The following LIN54 variants were observed in gnomAD, a reference collection of about 807,000 sequenced individuals.
LIN54 encodes lin-54 DREAM MuvB core complex component.
LIN54 carries 9 observed loss-of-function variants against 78.7 expected under a neutral mutation model. The ratio of observed to expected loss-of-function variants is 0.11; its 90% CI spans 0.07 to 0.20. The LOEUF (loss-of-function observed/expected upper bound fraction) is 0.20, where lower values mean the gene tolerates loss of function less well. Ranked by LOEUF, LIN54 falls within the 10% of genes least tolerant of loss-of-function variation. LIN54 has a pLI of 1.00. For synonymous variants in LIN54, 269 were observed against 318.4 expected, an observed-to-expected ratio of 0.84 and a Z score of 1.65; for missense variants, 573 against 889.9, an observed-to-expected ratio of 0.64 and a Z score of 4.53.
chr4:83,005,585 A>C (rs1257995142), intron 1 of LIN54, among the ~76,000 whole-genome samples: 1 of 151,058 alleles, frequency 6.6e-6, no homozygotes, highest in African/African-American at 2.4e-5. Context: ...AGATCATGCC[A>C]CTGCACTCCA....
At chr4:82,953,925 G>A (rs1302971449) in intron 4 of LIN54, among the ~76,000 whole-genome samples, 2 of 151,996 alleles carry the variant, frequency 1.3e-5, no homozygotes, top group African/African-American at 4.8e-5. Context: ...GGGTGACAGA[G>A]CAAGACCCCG....
At chr4:82,950,271 T>C (rs1035327835) in intron 4 of LIN54, among the ~76,000 whole-genome samples, 1 of 152,174 alleles carries the variant, frequency 6.6e-6, no homozygotes, top group African/African-American at 2.4e-5. Flanking sequence ...CATGAAGATA[T>C]ATAAAATTCT....
upstream of LIN54, among the ~76,000 whole-genome samples, chr4:83,012,576 A>G (rs111705275): frequency 0.018 from 2,719 of 151,950 alleles, 83 homozygotes; most frequent in African/African-American, 0.062. Context: ...GAAGAGACCG[A>G]GCCCCAAGGA....
chr4:83,001,270 G>GT, intron 1 of LIN54, among the ~76,000 whole-genome samples: 1 of 152,344 alleles, frequency 6.6e-6, no homozygotes, highest in South Asian at 2.1e-4. Context: ...ATGCATCTTG[G>GT]GTAAGGCACA....
intron 5 of LIN54, among the ~76,000 whole-genome samples, chr4:82,944,363 G>T (rs1387320761): frequency 6.6e-6 from 1 of 152,074 alleles, no homozygotes; most frequent in Non-Finnish European, 1.5e-5. Context: ...TATAATGACT[G>T]CTTTCTATCA....
intron 10 of LIN54, 59 bp from the exon 11 acceptor site, chr4:82,936,177 C>T: frequency 6.3e-7 from 1 of 1,590,166 alleles, no homozygotes; most frequent in Admixed American, 1.7e-5. Flanking sequence ...AATTTAAACA[C>T]TGCAAAAGGA....
chr4:82,962,239 T>G (rs1313803870), intron 4 of LIN54, among the ~76,000 whole-genome samples: 1 of 152,154 alleles, frequency 6.6e-6, no homozygotes, highest in Non-Finnish European at 1.5e-5. Context: ...CCTCATTTAT[T>G]TGACCCAATC....
At chr4:82,991,898 TG>T (rs1291079327) in intron 1 of LIN54, among the ~76,000 whole-genome samples, 1 of 152,242 alleles carries the variant, frequency 6.6e-6, no homozygotes, top group Non-Finnish European at 1.5e-5. Context: ...TAAACATTTT[TG>T]TTATGTTAAT....
At chr4:82,989,087 C>A (rs768575912) in intron 1 of LIN54, among the ~76,000 whole-genome samples, 59 of 151,950 alleles carry the variant, frequency 3.9e-4, no homozygotes, top group Middle Eastern at 6.8e-3. Flanking sequence ...ACTCAGGAGG[C>A]TGAGGCAGGA....
intron 1 of LIN54, among the ~76,000 whole-genome samples, chr4:82,993,101 G>C (rs1052390895): frequency 2.1e-4 from 32 of 150,814 alleles, no homozygotes; most frequent in African/African-American, 7.5e-4. Flanking sequence ...GAGCTCAAGT[G>C]ATCTGCCCAG....
At chr4:82,982,219 TTTCC>T (rs1205940516) in intron 2 of LIN54, among the ~76,000 whole-genome samples, 1 of 152,098 alleles carries the variant, frequency 6.6e-6, no homozygotes, top group African/African-American at 2.4e-5. Flanking sequence ...TATGATATCT[TTTCC>T]TTTTTTAGTT....
At chr4:82,934,031 G>C (rs1020192104) in intron 11 of LIN54, among the ~76,000 whole-genome samples, 12 of 152,204 alleles carry the variant, frequency 7.9e-5, no homozygotes, top group African/African-American at 2.9e-4. Context: ...TATTTCATCA[G>C]GTATTCAAAA....
At chr4:83,001,971 G>GGA (rs1728875186) in intron 1 of LIN54, among the ~76,000 whole-genome samples, 1 of 5,898 alleles carries the variant, frequency 1.7e-4, no homozygotes, top group Non-Finnish European at 5.0e-4. Context: ...AGGAAGGAAG[G>GGA]AAGGAAGGGA....
intron 1 of LIN54, among the ~76,000 whole-genome samples, chr4:83,004,398 CAAAAAAAAA>C (rs34722830): frequency 4.0e-5 from 4 of 100,946 alleles, no homozygotes; most frequent in Non-Finnish European, 5.8e-5. Flanking sequence ...GACTCCGTTG[CAAAAAAAAA>C]AAAAAAAAAG....
chr4:82,977,006 C>T (rs1726215901), intron 3 of LIN54, among the ~76,000 whole-genome samples: 1 of 152,192 alleles, frequency 6.6e-6, no homozygotes, highest in South Asian at 2.1e-4. Context: ...GTCTGCAACA[C>T]ATAAACAACC....
At chr4:82,981,631 G>A (rs780476828) in intron 2 of LIN54, among the ~76,000 whole-genome samples, 9 of 152,054 alleles carry the variant, frequency 5.9e-5, no homozygotes, top group African/African-American at 1.9e-4. Context: ...GACTTAAGTC[G>A]CCTAAAAATA....
rs561685185 is a variant in LIN54, at chr4:82,970,335, G to C, written c.943C>G (p.Pro315Ala). The change falls in exon 4 of 13, where the codon CCA becomes GCA. Residue 315 changes from proline to alanine, a missense_variant. By Grantham distance (27) the Pro-to-Ala change is conservative. Coordinates refer to ENST00000340417, the MANE Select transcript of LIN54 (RefSeq NM_194282.4). ...NKIAISPLKS[P>A]NKAVKSTVQT... ...CTAATTTATTTTTTTACCTTATTTG[G>C]CGATTTCAAAGGTGAGATGGCTATT... 6.2e-7 allele frequency: 1 copy of C among 1,602,778 alleles called. No homozygotes were observed. Among genetic ancestry groups the C allele is most frequent in the African/African-American group, 1.3e-5 (1 of 74,312 alleles).
chr4:82,977,671 G>T (rs1354468428), intron 3 of LIN54, among the ~76,000 whole-genome samples: 1 of 152,224 alleles, frequency 6.6e-6, no homozygotes, highest in Non-Finnish European at 1.5e-5. Context: ...TAATATACAT[G>T]CTAGGAATGA....
intron 3 of LIN54, among the ~76,000 whole-genome samples, chr4:82,972,144 T>C (rs1343712303): frequency 6.6e-6 from 1 of 152,150 alleles, no homozygotes; most frequent in Non-Finnish European, 1.5e-5. Context: ...AGCCTTGAAC[T>C]TCTGGGCTCA....
Sources: gnomAD v4.1 joint callset for allele counts (sites outside exome capture counted in the v4.1 genomes callset) on GRCh38, gnomAD v4.1.1 for gene constraint, MANE v1.5 for transcripts, NCBI Gene and HGNC (gene_info 2026-07-23, HGNC 2026-07-21) for gene names.